Variants in DSCAM observed in about 807,000 individuals in gnomAD.
DSCAM encodes the protein cell adhesion molecule DSCAM.
A neutral mutation model predicts 217.7 loss-of-function variants in DSCAM; 47 were observed. The observed-to-expected ratio is 0.22, with a 90% CI of 0.17 to 0.28. DSCAM has a LOEUF of 0.28. Ranked by LOEUF, DSCAM falls within the 10% of genes least tolerant of loss-of-function variation. The probability of loss-of-function intolerance (pLI) is 1.00; values close to 1 mark genes in which losing one functional copy is unlikely to be tolerated. For missense variants in DSCAM, 2,080 were observed against 2,618.3 expected (o/e 0.79, Z 4.49); for synonymous variants, 1,056 against 1,015.3 (o/e 1.04, Z -0.76).
intron 2 of DSCAM, among the ~76,000 whole-genome samples, chr21:40,694,665 G>A (rs543624496): frequency 6.6e-5 from 10 of 151,558 alleles, no homozygotes; most frequent in Admixed American, 2.0e-4. Context: ...ATCCCCAAGC[G>A]GCATGAGGTG....
chr21:40,661,055 T>C (rs911159498), intron 3 of DSCAM, among the ~76,000 whole-genome samples: 1 of 152,188 alleles, frequency 6.6e-6, no homozygotes, highest in African/African-American at 2.4e-5. Flanking sequence ...CACTCACCCT[T>C]GGCCTGGAGG....
chr21:40,590,094 C>G (rs1170464348), intron 3 of DSCAM, among the ~76,000 whole-genome samples: 2 of 152,182 alleles, frequency 1.3e-5, no homozygotes, highest in Admixed American at 6.5e-5. Flanking sequence ...ATTCCAAACA[C>G]TGAATATGAA....
Position 40,529,741 on chromosome 21 carries a change from C to T in DSCAM, c.509-160496G>A, listed in dbSNP as rs1601718902. On this transcript the variant is annotated intron_variant, in intron 3 of 32. Coordinates refer to ENST00000400454, the MANE Select transcript of DSCAM (RefSeq NM_001389.5). ...TGTACATAACCACCTTCAGAACCTC[C>T]TTTTCTTTTTAGATGAAATCTCTTT... Among the ~76,000 whole-genome samples the T allele has an allele frequency of 2.6e-5, 4 of 152,236 alleles. 1 individual carries two copies. In the South Asian group the frequency reaches 8.3e-4, roughly 32 times the overall value.
chr21:40,174,112 C>T (rs1410128567), intron 15 of DSCAM, among the ~76,000 whole-genome samples: 1 of 152,120 alleles, frequency 6.6e-6, no homozygotes, highest in Non-Finnish European at 1.5e-5. Context: ...ATTAACAGCT[C>T]ATCTCATTAA....
intron 3 of DSCAM, among the ~76,000 whole-genome samples, chr21:40,649,956 G>C (rs1291031267): frequency 6.6e-6 from 1 of 152,168 alleles, no homozygotes; most frequent in Non-Finnish European, 1.5e-5. Context: ...TGGTGGCCTT[G>C]AGTCTCACTT....
At chr21:40,563,533 TTA>T (rs1193058044) in intron 3 of DSCAM, among the ~76,000 whole-genome samples, 6 of 111,502 alleles carry the variant, frequency 5.4e-5, no homozygotes, top group African/African-American at 1.7e-4. Flanking sequence ...ATCTATTTGT[TTA>T]TAGTTATATG....
chr21:40,121,681 C>CTTTTTTTTTTTTT (rs201672838), intron 20 of DSCAM, among the ~76,000 whole-genome samples: 822 of 73,720 alleles, frequency 0.011, 142 homozygotes, highest in Non-Finnish European at 0.017. Flanking sequence ...TCATTACTGT[C>CTTTTTTTTTTTTT]TTTTTTTTTT....
At chr21:40,804,179 G>A (rs2091766826) in intron 1 of DSCAM, among the ~76,000 whole-genome samples, 1 of 152,216 alleles carries the variant, frequency 6.6e-6, no homozygotes, top group East Asian at 1.9e-4. Flanking sequence ...GGATAGGGGA[G>A]GCTTCCTGGA....
At chr21:40,762,722 T>C (rs1408162674) in intron 1 of DSCAM, among the ~76,000 whole-genome samples, 1 of 152,168 alleles carries the variant, frequency 6.6e-6, no homozygotes, top group Non-Finnish European at 1.5e-5. Flanking sequence ...AGTAAAATAC[T>C]GGCAAACCGA....
intron 1 of DSCAM, 116 bp from the exon 2 acceptor site, chr21:40,708,887 A>G: frequency 1.5e-6 from 1 of 680,056 alleles, no homozygotes; most frequent in Middle Eastern, 2.7e-4. Context: ...CGCAGGCTCA[A>G]ATAAAACCAA....
At chr21:40,503,767 G>C (rs930971660) in intron 3 of DSCAM, among the ~76,000 whole-genome samples, 1 of 152,172 alleles carries the variant, frequency 6.6e-6, no homozygotes, top group Non-Finnish European at 1.5e-5. Flanking sequence ...TTAAGATCTA[G>C]CTCTGATTTT....
chr21:40,775,693 C>G lies in DSCAM; in HGVS notation c.44-66922G>C, dbSNP rs1263323790. On this transcript the variant is annotated intron_variant, in intron 1 of 32. Transcript: ENST00000400454. ...ACTTACACCAGCAGCTCCCAGGATC[C>G]TGAGGTTTTCAACCTTGGACTGAGA... Among the ~76,000 whole-genome samples, 4 of 152,158 alleles carry G rather than the reference C, an allele frequency of 2.6e-5. No individual in the cohort carries two copies. In the East Asian group the frequency reaches 7.7e-4, roughly 29 times the overall value.
intron 3 of DSCAM, among the ~76,000 whole-genome samples, chr21:40,538,561 A>C (rs1466225707): frequency 6.6e-6 from 1 of 152,216 alleles, no homozygotes; most frequent in African/African-American, 2.4e-5. Flanking sequence ...TAAGTATGAA[A>C]TCAAAATTTG....
intron 1 of DSCAM, among the ~76,000 whole-genome samples, chr21:40,791,795 G>A (rs971812948): frequency 6.6e-6 from 1 of 152,180 alleles, no homozygotes; most frequent in Non-Finnish European, 1.5e-5. Flanking sequence ...TCCTCACATT[G>A]TCTTCATCCC....
In DSCAM at chr21:40,410,830, T is replaced by C. The variant is rs368636847; in HGVS notation, c.509-41585A>G. On this transcript the variant is annotated intron_variant, in intron 3 of 32. Coordinates refer to ENST00000400454, the MANE Select transcript of DSCAM (RefSeq NM_001389.5). Reference sequence around the variant, plus strand: ...AACTAACCAAAGTAGAAAGAAGTCATTGCCCACAGACCTGCACTAAACTGC... The same window carrying C: ...AACTAACCAAAGTAGAAAGAAGTCACTGCCCACAGACCTGCACTAAACTGC... Among the ~76,000 whole-genome samples, 45 of 151,774 alleles carry C rather than the reference T, an allele frequency of 3.0e-4. 2 individuals are homozygous for C. The highest frequency in any genetic ancestry group is 4.6e-4 in the Non-Finnish European group (31 of 67,914).
chr21:40,484,532 T>C (rs932766328), intron 3 of DSCAM, among the ~76,000 whole-genome samples: 1 of 152,216 alleles, frequency 6.6e-6, no homozygotes, highest in Non-Finnish European at 1.5e-5. Context: ...ATGAATGAGT[T>C]AAATAAAATA....
chr21:40,269,469 T>C (rs1008975169), intron 11 of DSCAM, among the ~76,000 whole-genome samples: 1 of 152,198 alleles, frequency 6.6e-6, no homozygotes, highest in Admixed American at 6.5e-5. Flanking sequence ...ATCTGGCCTG[T>C]GGTGGGCTTC....
At chr21:40,192,746 A>C (rs2090965489) in intron 11 of DSCAM, among the ~76,000 whole-genome samples, 1 of 152,188 alleles carries the variant, frequency 6.6e-6, no homozygotes, top group Non-Finnish European at 1.5e-5. Context: ...GTCATAGCAC[A>C]GTACTTTGTT....
At chr21:40,764,924 G>A (rs1180361440) in intron 1 of DSCAM, among the ~76,000 whole-genome samples, 1 of 151,992 alleles carries the variant, frequency 6.6e-6, no homozygotes, top group Non-Finnish European at 1.5e-5. Flanking sequence ...CACAGAGAGG[G>A]GAACATCACA....
Sources: gnomAD v4.1 joint callset for allele counts (sites outside exome capture counted in the v4.1 genomes callset) on GRCh38, gnomAD v4.1.1 for gene constraint, MANE v1.5 for transcripts, NCBI Gene and HGNC (gene_info 2026-07-23, HGNC 2026-07-21) for gene names.